MMP28: variants seen among roughly 807,000 people sequenced by gnomAD.
MMP28 encodes matrix metallopeptidase 28, also known as matrix metalloproteinase-28.
MMP28 carries 55 observed loss-of-function variants against 60.5 expected under a neutral mutation model. The observed-to-expected ratio is 0.91, with a 90% CI of 0.73 to 1.14. The LOEUF (loss-of-function observed/expected upper bound fraction) is 1.14, where lower values mean the gene tolerates loss of function less well. Among genes scored for constraint, MMP28 ranks in the 50% most tolerant of loss-of-function variants. The pLI, the probability that MMP28 is intolerant of heterozygous loss-of-function variation, is 0.00. For synonymous variants in MMP28, 318 were observed against 312.5 expected (o/e 1.02, Z -0.18); for missense variants, 686 against 738.3 (o/e 0.93, Z 0.82).
At chr17:35,762,065 A>G (rs1377281848), downstream of MMP28, among the ~76,000 whole-genome samples, 2 of 151,984 alleles carry the variant, frequency 1.3e-5, no homozygotes, top group Non-Finnish European at 2.9e-5. Flanking sequence ...ATCTCGGTAA[A>G]CCACAACCTC....
At chr17:35,773,486 G>A (rs922996277) in intron 3 of MMP28, 82 bp from the exon 4 acceptor site, 2 of 1,250,706 alleles carry the variant, frequency 1.6e-6, no homozygotes, top group Non-Finnish European at 2.2e-6. Flanking sequence ...GATGGCGAGG[G>A]GTAGGCCCTC....
At chr17:35,760,914 G>A (rs782557631), downstream of MMP28, 1 of 1,613,590 alleles carries the variant, frequency 6.2e-7, no homozygotes, top group Non-Finnish European at 8.5e-7. Context: ...TCTCTGATCA[G>A]GGAAAGCAGG....
rs372470385 is a variant in MMP28 at position 35,770,166 on chromosome 17, A to G, written c.751T>C (p.Ser251Pro). 2 of 1,606,992 alleles carry G rather than the reference A, an allele frequency of 1.2e-6. No individual in the cohort carries two copies. Among genetic ancestry groups the G allele is most frequent in the Non-Finnish European group, 8.5e-7 (1 of 1,178,232 alleles). Reference sequence around the variant, plus strand: ...GCCATGAGCGCGCGCGGCGCGGGCGAGTGGGTGAGGCCAAGCGTGTGACCG... The same window carrying G: ...GCCATGAGCGCGCGCGGCGCGGGCGGGTGGGTGAGGCCAAGCGTGTGACCG... ...EIGHTLGLTH[S>P]PAPRALMAPY... The change falls in exon 5 of 8, where the codon TCG becomes CCG. Residue 251 changes from serine to proline, a missense_variant. Physicochemically the swap from Ser to Pro is moderately conservative, Grantham distance 74. Coordinates refer to ENST00000605424, the MANE Select transcript of MMP28 (RefSeq NM_024302.5).
intron 1 of MMP28, among the ~76,000 whole-genome samples, chr17:35,789,214 G>A (rs1485154571): frequency 6.6e-6 from 1 of 152,110 alleles, no homozygotes; most frequent in East Asian, 1.9e-4. Context: ...GACAGACATG[G>A]ACACAGAGGA....
chr17:35,762,948 T>C (rs587605943), downstream of MMP28, among the ~76,000 whole-genome samples: 4 of 152,028 alleles, frequency 2.6e-5, no homozygotes, highest in South Asian at 2.1e-4. Context: ...TGGTGAAACC[T>C]GGTCTCTACT....
rs200165337 is a variant in MMP28 at position 35,786,699 on chromosome 17, CAAA to C, written c.112-7379_112-7377del. Reference sequence around the variant, plus strand: ...GCCTCATAGTGAGATCCTGTCTCTACAAAAAAAAAAAAAAAAGATGAATGATAG... The same window carrying C: ...GCCTCATAGTGAGATCCTGTCTCTACAAAAAAAAAAAAAGATGAATGATAG... On this transcript the variant is annotated intron_variant, in intron 1 of 7. Coordinates refer to ENST00000605424, the MANE Select transcript of MMP28 (RefSeq NM_024302.5). Among the ~76,000 whole-genome samples the C allele has an allele frequency of 3.1e-3, 223 of 71,058 alleles. 12 individuals are homozygous for C. The highest frequency in any genetic ancestry group is 0.013 in the African/African-American group (212 of 15,764). The allele number at this position is 71,058 out of a possible 152,430, so 46.6% of individuals were successfully genotyped here.
downstream of MMP28, chr17:35,764,624 C>T: frequency 6.4e-7 from 1 of 1,573,280 alleles, no homozygotes; most frequent in South Asian, 1.2e-5. Flanking sequence ...CCTGAGCGCC[C>T]CCGCTCCCAG....
At position 35,767,680 on chromosome 17, in the gene MMP28, C is replaced by A. The variant is rs1555603945; in HGVS notation, c.1168+72G>T. ...GTGTGAGAGTCTTCCCCTCTTTTGT[C>A]CTCTTTTGACCTTGGGCAGGACACC... On this transcript the variant is annotated intron_variant, in intron 7 of 7. Transcript: ENST00000605424. The A allele has an allele frequency of 3.3e-6, 5 of 1,519,160 alleles. No individual in the cohort carries two copies. In the East Asian group the frequency reaches 1.2e-4, roughly 37 times the overall value. 94.1% of individuals were successfully genotyped at this position (1,519,160 alleles called of 1,614,324 possible). A position where few individuals can be genotyped will look rare whatever the true frequency, so the allele number is the denominator to read the frequency against.
rs1555606676 is a variant in MMP28, at chr17:35,773,435, C to G, written c.380-31G>C. 2.6e-6 allele frequency: 4 copies of G among 1,544,292 alleles called. No individual in the cohort carries two copies. The Admixed American group carries it at 7.8e-5, about 30-fold the overall frequency. On this transcript the variant is annotated intron_variant, in intron 3 of 7. Transcript: ENST00000605424. ...ACCCAGAAAGCCCACGTCAGTCACACCTGCTGCAGAGCCCGAGTCTGGTCC... is the reference window on the plus strand; with the variant it reads ...ACCCAGAAAGCCCACGTCAGTCACAGCTGCTGCAGAGCCCGAGTCTGGTCC...
chr17:35,772,005 G>A (rs531093035), intron 4 of MMP28, among the ~76,000 whole-genome samples: 2 of 151,924 alleles, frequency 1.3e-5, no homozygotes, highest in East Asian at 3.9e-4. Flanking sequence ...AGCTTGTCGA[G>A]GGTCCCTCCA....
intron 4 of MMP28, among the ~76,000 whole-genome samples, chr17:35,772,941 A>G (rs2086205211): frequency 6.6e-6 from 1 of 152,224 alleles, no homozygotes; most frequent in Non-Finnish European, 1.5e-5. Context: ...AATACTCTTG[A>G]GAATTTGCAA....
At chr17:35,764,487 G>C (rs1359220888), downstream of MMP28, 6 of 1,575,698 alleles carry the variant, frequency 3.8e-6, no homozygotes, top group Non-Finnish European at 4.3e-6. Flanking sequence ...GCCGCGCCGC[G>C]GGGGCTGTGC....
chr17:35,765,801 C>T (rs1598412643), downstream of MMP28: 1 of 963,666 alleles, frequency 1.0e-6, no homozygotes, highest in Non-Finnish European at 1.2e-6. Context: ...CCCTGGCCTC[C>T]CCTGCACCCA....
intron 6 of MMP28, 136 bp from the exon 7 acceptor site, chr17:35,768,055 A>C: frequency 1.5e-6 from 2 of 1,294,260 alleles, no homozygotes; most frequent in Non-Finnish European, 2.1e-6. Flanking sequence ...GCAGAGGGGA[A>C]AGTGGGCAGG....
Position 35,757,848 on chromosome 17 carries a change from G to A in MMP28, c.266-1429C>T, listed in dbSNP as rs587690557. Among the ~76,000 whole-genome samples, 9 of 152,138 alleles carry A rather than the reference G, an allele frequency of 5.9e-5. No homozygotes were observed. In the East Asian group the frequency reaches 7.7e-4, roughly 13 times the overall value. On this transcript the variant is annotated intron_variant, in intron 2 of 2. Transcript: ENST00000615317. ...TGGAGTGCAGTGGCTATTCACAGGC[G>A]CAATTATTGTGCACTGCAGCTTCAA...
intron 1 of MMP28, among the ~76,000 whole-genome samples, chr17:35,782,210 C>A (rs539653234): frequency 6.6e-6 from 1 of 152,080 alleles, no homozygotes; most frequent in East Asian, 1.9e-4. Flanking sequence ...CACCACCACA[C>A]CCAGCTAATT....
At chr17:35,792,429 C>T (rs1335565382) in intron 1 of MMP28, among the ~76,000 whole-genome samples, 1 of 152,202 alleles carries the variant, frequency 6.6e-6, no homozygotes, top group Non-Finnish European at 1.5e-5. Context: ...AGCCAACAGC[C>T]AGCATCGACT....
chr17:35,765,329 C>T (rs1219953868), downstream of MMP28, among the ~76,000 whole-genome samples: 1 of 152,182 alleles, frequency 6.6e-6, no homozygotes, highest in African/African-American at 2.4e-5. Context: ...GACGCCCTGG[C>T]TTGCTGAGGT....
At chr17:35,761,098 A>ATTT, downstream of MMP28, 1 of 711,500 alleles carries the variant, frequency 1.4e-6, no homozygotes, top group African/African-American at 2.1e-5. Context: ...CGCCTTCCTG[A>ATTT]ATTTTTTTTT....
Sources: allele counts gnomAD v4.1 joint callset (sites outside exome capture counted in the v4.1 genomes callset), GRCh38; gene constraint gnomAD v4.1.1; transcripts MANE v1.5; gene names NCBI Gene and HGNC (gene_info 2026-07-23, HGNC 2026-07-21).